Variants in SPATA22 observed in about 807,000 individuals in gnomAD.
SPATA22 encodes the protein spermatogenesis associated 22.
SPATA22 carries 29 observed loss-of-function variants against 47.8 expected under a neutral mutation model. That is an observed-to-expected ratio of 0.61 (90% CI 0.45 to 0.83). The LOEUF (loss-of-function observed/expected upper bound fraction) is 0.83, where lower values mean the gene tolerates loss of function less well. SPATA22 is among the 40% of genes least tolerant of loss of function. SPATA22 has a pLI of 0.00. For synonymous variants in SPATA22, 133 were observed against 140.9 expected, an observed-to-expected ratio of 0.94 and a Z score of 0.40; for missense variants, 410 against 421.7, an observed-to-expected ratio of 0.97 and a Z score of 0.24.
In SPATA22 at chr17:3,499,055, C is replaced by T. The variant is rs762310899; in HGVS notation, c.-74+14357G>A. 3.7e-6 allele frequency: 6 copies of T among 1,614,054 alleles called. No individual in the cohort carries two copies. In the South Asian group the frequency reaches 4.4e-5, roughly 12 times the overall value. ...TTGCAAAGACAACTAAACTAACGCT[C>T]AATGCAAAAAGTATTCGCTGCTGTT... is the stretch of plus-strand genomic sequence containing the variant. On this transcript the variant is annotated intron_variant, in intron 1 of 8. Coordinates refer to the SPATA22 transcript ENST00000541913.
chr17:3,440,457 G>T, intron 8 of SPATA22, 119 bp from the exon 9 acceptor site: 1 of 780,848 alleles, frequency 1.3e-6, no homozygotes, highest in Non-Finnish European at 2.0e-6. Context: ...ATTCCTTCAC[G>T]TGAGTCAGGG....
At chr17:3,467,887 G>A (rs985705670) in intron 2 of SPATA22, among the ~76,000 whole-genome samples, 1 of 150,364 alleles carries the variant, frequency 6.7e-6, no homozygotes, top group Admixed American at 6.6e-5. Context: ...TTACCATATC[G>A]ACTGCAGGGG....
chr17:3,496,802 C>T (rs62071301), intron 1 of SPATA22, among the ~76,000 whole-genome samples: 12,201 of 152,186 alleles, frequency 0.08, 1,169 homozygotes, highest in East Asian at 0.48. Flanking sequence ...AGCGGTGGCT[C>T]ACGCCTGTAA....
chr17:3,453,151 G>A (rs2072903214), intron 5 of SPATA22, among the ~76,000 whole-genome samples: 1 of 152,048 alleles, frequency 6.6e-6, no homozygotes, highest in Non-Finnish European at 1.5e-5. Context: ...AAATTCAACA[G>A]CACATCAAAA....
chr17:3,460,562 G>A (rs1053796187), intron 5 of SPATA22, among the ~76,000 whole-genome samples: 2 of 151,984 alleles, frequency 1.3e-5, no homozygotes, highest in Admixed American at 1.3e-4. Flanking sequence ...GCTGAGGTGA[G>A]GGAATCACTT....
intron 1 of SPATA22, chr17:3,512,967 C>G (rs1265463129): frequency 1.3e-5 from 2 of 152,144 alleles, no homozygotes; most frequent in Admixed American, 1.3e-4. Flanking sequence ...ACGATCCCAG[C>G]ACACAGGCAC....
chr17:3,473,107 A>AT (rs1436722311), upstream of SPATA22, among the ~76,000 whole-genome samples: 13 of 130,160 alleles, frequency 1.0e-4, no homozygotes, highest in African/African-American at 3.1e-4. Flanking sequence ...TAGATTTTTC[A>AT]TTAAAAAAAA....
chr17:3,473,571 T>C (rs1397641640), upstream of SPATA22, among the ~76,000 whole-genome samples: 2 of 152,300 alleles, frequency 1.3e-5, no homozygotes, highest in Admixed American at 1.3e-4. Flanking sequence ...CAATCTCAGC[T>C]CACTGCAACC....
At chr17:3,505,860 C>A (rs2074036644) in intron 1 of SPATA22, among the ~76,000 whole-genome samples, 1 of 151,230 alleles carries the variant, frequency 6.6e-6, no homozygotes, top group African/African-American at 2.4e-5. Context: ...CGGGTTCCAG[C>A]GATTCTCGTG....
At chr17:3,491,703 A>C (rs1306975905) in intron 1 of SPATA22, among the ~76,000 whole-genome samples, 3 of 151,980 alleles carry the variant, frequency 2.0e-5, no homozygotes, top group Non-Finnish European at 4.4e-5. Context: ...AGCCGAGTTC[A>C]TGCCACTGCA....
In SPATA22 at chr17:3,440,098, A is replaced by C. The variant is rs781761379; in HGVS notation, c.*49T>G. ...AAACTATGGAGATGGTAAATTAAGC[A>C]ATAACAGAAAACTGCTATAATTTAT... is the stretch of plus-strand genomic sequence containing the variant. On this transcript the variant is annotated 3_prime_UTR_variant, in exon 9 of 9. Transcript: ENST00000572969. The C allele has an allele frequency of 3.3e-6, 4 of 1,215,332 alleles. No individual in the cohort carries two copies. Among genetic ancestry groups the C allele is most frequent in the Non-Finnish European group, 4.5e-6 (4 of 895,656 alleles). The allele number at this position is 1,215,332 out of a possible 1,614,324, so 75.3% of individuals were successfully genotyped here.
At chr17:3,483,183 A>C (rs2073663851) in intron 1 of SPATA22, among the ~76,000 whole-genome samples, 1 of 152,194 alleles carries the variant, frequency 6.6e-6, no homozygotes, top group African/African-American at 2.4e-5. Flanking sequence ...ACCAGTGATG[A>C]AACAAAAATC....
chr17:3,453,165 T>C (rs191136696), intron 5 of SPATA22, among the ~76,000 whole-genome samples: 10 of 152,118 alleles, frequency 6.6e-5, no homozygotes, highest in African/African-American at 2.4e-4. Flanking sequence ...ATCAAAAAAA[T>C]TACCTGTCGA....
chr17:3,462,399 G>C, intron 5 of SPATA22, 84 bp downstream of exon 5: 1 of 896,658 alleles, frequency 1.1e-6, no homozygotes, highest in East Asian at 2.5e-5. Flanking sequence ...GAGAAACAAC[G>C]AAGTGAAGGA....
chr17:3,491,638 C>T (rs1412004111), intron 1 of SPATA22, among the ~76,000 whole-genome samples: 2 of 151,972 alleles, frequency 1.3e-5, no homozygotes, highest in African/African-American at 4.8e-5. Context: ...ATTCCAGCTA[C>T]TCCGAAGGCT....
At chr17:3,443,446 T>C (rs910186442) in intron 7 of SPATA22, among the ~76,000 whole-genome samples, 175 bp from the exon 8 acceptor site, 21 of 151,952 alleles carry the variant, frequency 1.4e-4, no homozygotes, top group Admixed American at 5.3e-4. Context: ...GTTTTATAGG[T>C]AGGAAAACAA....
chr17:3,464,157 T>C (rs886301000), intron 3 of SPATA22, among the ~76,000 whole-genome samples: 1 of 152,076 alleles, frequency 6.6e-6, no homozygotes, highest in South Asian at 2.1e-4. Flanking sequence ...GTTTTCGTAT[T>C]TTTTTGGTGG....
intron 7 of SPATA22, 113 bp downstream of exon 7, chr17:3,446,359 T>G: frequency 9.8e-7 from 1 of 1,018,408 alleles, no homozygotes; most frequent in Non-Finnish European, 1.4e-6. Flanking sequence ...TGAATACACT[T>G]TAGGGAGTAG....
chr17:3,482,771 T>C (rs554783226), intron 1 of SPATA22, among the ~76,000 whole-genome samples: 22 of 151,808 alleles, frequency 1.4e-4, no homozygotes, highest in Admixed American at 1.2e-3. Context: ...AGCGATTCTT[T>C]TTTTTTTTAA....
Sources: allele counts gnomAD v4.1 joint callset (sites outside exome capture counted in the v4.1 genomes callset), GRCh38; gene constraint gnomAD v4.1.1; transcripts MANE v1.5; gene names NCBI Gene and HGNC (gene_info 2026-07-23, HGNC 2026-07-21).